ATR: variants seen among roughly 807,000 people sequenced by gnomAD.
ATR encodes serine/threonine-protein kinase ATR.
A neutral mutation model predicts 305.3 loss-of-function variants in ATR; 142 were observed. The ratio of observed to expected loss-of-function variants is 0.47; its 90% CI spans 0.41 to 0.53. The LOEUF (loss-of-function observed/expected upper bound fraction) is 0.53. Ranked by LOEUF, ATR falls within the 20% of genes least tolerant of loss-of-function variation. The probability of loss-of-function intolerance (pLI) is 0.00; values close to 1 mark genes in which losing one functional copy is unlikely to be tolerated. For synonymous variants in ATR, 1,050 were observed against 1,068.1 expected, an observed-to-expected ratio of 0.98 and a Z score of 0.33; for missense variants, 2,135 against 3,133.1, an observed-to-expected ratio of 0.68 and a Z score of 7.60.
intron 45 of ATR, among the ~76,000 whole-genome samples, chr3:142,456,013 T>A (rs549298138): frequency 6.6e-6 from 1 of 152,318 alleles, no homozygotes; most frequent in East Asian, 1.9e-4. Context: ...ATCCAAAATG[T>A]GTAAAGAACT....
intron 36 of ATR, among the ~76,000 whole-genome samples, chr3:142,483,978 T>C (rs2030730209): frequency 6.6e-6 from 1 of 152,086 alleles, no homozygotes; most frequent in African/African-American, 2.4e-5. Flanking sequence ...ATACTTAATT[T>C]GGTGCTGTTG....
intron 13 of ATR, among the ~76,000 whole-genome samples, chr3:142,552,180 A>T (rs541426463): frequency 6.6e-6 from 1 of 152,364 alleles, no homozygotes; most frequent in Non-Finnish European, 1.5e-5. Flanking sequence ...ATGCTTTTAT[A>T]CCGTTGGTGG....
At chr3:142,571,433 T>C (rs1300822620) in intron 1 of ATR, among the ~76,000 whole-genome samples, 2 of 151,500 alleles carry the variant, frequency 1.3e-5, no homozygotes, top group Non-Finnish European at 2.9e-5. Context: ...GCCACTGTAC[T>C]CCAGCCTGGG....
In ATR at chr3:142,538,536, T is replaced by C. The variant is rs2108432440; in HGVS notation, c.3671A>G (p.His1224Arg). Reference sequence around the variant, plus strand: ...AGCTGCAGTTTCTTTAGGCTGGATGTGTATAAGAGGTAACAAAGCTACTAT... The same window carrying C: ...AGCTGCAGTTTCTTTAGGCTGGATGCGTATAAGAGGTAACAAAGCTACTAT... ...HVIVALLPLI[H>R]IQPKETAAIF... Residue 1224 changes from histidine to arginine, a missense_variant, in exon 19 of 47, where the codon CAC becomes CGC. His to Arg is a conservative substitution (Grantham distance 29). Transcript: ENST00000350721. 1 of 1,613,490 alleles carries C rather than the reference T, an allele frequency of 6.2e-7. No homozygotes were observed. The highest frequency in any genetic ancestry group is 1.1e-5 in the South Asian group (1 of 91,046).
At chr3:142,452,279 T>C (rs1406245146) in intron 46 of ATR, 2 of 992,706 alleles carry the variant, frequency 2.0e-6, no homozygotes, top group Non-Finnish European at 2.4e-6. Context: ...ATATAGTTGG[T>C]ATAATTCATT....
At chr3:142,528,571 G>A (rs942022462) in intron 21 of ATR, among the ~76,000 whole-genome samples, 3 of 151,284 alleles carry the variant, frequency 2.0e-5, no homozygotes, top group Admixed American at 1.3e-4. Flanking sequence ...TTTATTTTTG[G>A]CCTTTCTGAA....
At chr3:142,496,005 T>C (rs1390098883) in intron 34 of ATR, among the ~76,000 whole-genome samples, 2 of 151,606 alleles carry the variant, frequency 1.3e-5, no homozygotes, top group Non-Finnish European at 2.9e-5. Context: ...CAACATTTAC[T>C]GGGTCACTAC....
chr3:142,564,810 G>A (rs541975228), intron 3 of ATR, among the ~76,000 whole-genome samples: 1 of 151,460 alleles, frequency 6.6e-6, no homozygotes, highest in African/African-American at 2.4e-5. Context: ...GGAGTGCAAC[G>A]GCATGGTCTT....
At chr3:142,573,453 C>CAAA (rs1218216880) in intron 1 of ATR, among the ~76,000 whole-genome samples, 8 of 45,966 alleles carry the variant, frequency 1.7e-4, no homozygotes, top group South Asian at 8.3e-4. Flanking sequence ...GACTTCATCT[C>CAAA]AAAAAAAAAA....
chr3:142,508,028 G>T lies in ATR; in HGVS notation c.4934C>A (p.Ser1645Tyr). Residue 1645 changes from serine (S) to tyrosine (Y), a missense_variant, in exon 28 of 47, where the codon TCC becomes TAC. By Grantham distance (144) the Ser-to-Tyr change is moderately radical. Transcript: ENST00000350721. ...TCGTGTGTATGCTTTGGAGCGAAAGGAAGCTACTGCCAGAGTATCCTGGGG... is the reference window on the plus strand; with the variant it reads ...TCGTGTGTATGCTTTGGAGCGAAAGTAAGCTACTGCCAGAGTATCCTGGGG... ...LIPQDTLAVA[S>Y]FRSKAYTRAV... 1.2e-6 allele frequency: 2 copies of T among 1,613,338 alleles called. No individual in the cohort carries two copies. Among genetic ancestry groups the T allele is most frequent in the Non-Finnish European group, 1.7e-6 (2 of 1,179,732 alleles).
At chr3:142,553,544 A>G in intron 12 of ATR, 96 bp downstream of exon 12, 1 of 1,448,250 alleles carries the variant, frequency 6.9e-7, no homozygotes. Flanking sequence ...TGTCTATAAT[A>G]TCACAAATAT....
chr3:142,565,458 T>TC (rs948671543), intron 3 of ATR, among the ~76,000 whole-genome samples: 12 of 152,028 alleles, frequency 7.9e-5, no homozygotes, highest in Admixed American at 7.2e-4. Flanking sequence ...GAGAAAAGCT[T>TC]CAATATATAG....
In ATR at chr3:142,562,738, A is replaced by G. The variant is rs779874468; in HGVS notation, c.664T>C (p.Phe222Leu). Residue 222 changes from phenylalanine (F) to leucine (L), a missense_variant, in exon 4 of 47, where the codon TTT becomes CTT. Phe to Leu is a conservative substitution (Grantham distance 22). Around this residue, in one of 9 missense-constraint regions of ATR, gnomAD observed 744 missense variants for 873.2 expected, o/e 0.85. Coordinates refer to ENST00000350721, the MANE Select transcript of ATR (RefSeq NM_001184.4). ...VLTRIIAIVF[F>L]RRQELLLWQI... Reference sequence around the variant, plus strand: ...CAAAGTAAGAGTTCTTGCCTTCTAAAAAACACAATTGCAATAATACGAGTA... The same window carrying G: ...CAAAGTAAGAGTTCTTGCCTTCTAAGAAACACAATTGCAATAATACGAGTA... The G allele has an allele frequency of 1.2e-6, 2 of 1,613,744 alleles. No individual in the cohort carries two copies. The highest frequency in any genetic ancestry group is 1.7e-5 in the Admixed American group (1 of 59,946).
intron 39 of ATR, among the ~76,000 whole-genome samples, chr3:142,467,520 C>T (rs2071158463): frequency 6.6e-6 from 1 of 152,094 alleles, no homozygotes; most frequent in Non-Finnish European, 1.5e-5. Flanking sequence ...AACCCTCTTC[C>T]CTATCGTAAG....
intron 37 of ATR, 139 bp downstream of exon 37, chr3:142,469,947 A>T: frequency 1.5e-6 from 1 of 677,848 alleles, no homozygotes; most frequent in Non-Finnish European, 2.5e-6. Context: ...AACATTTAGT[A>T]TCTTACTCAC....
intron 36 of ATR, among the ~76,000 whole-genome samples, chr3:142,480,802 C>A (rs1041380969): frequency 6.6e-6 from 1 of 152,226 alleles, no homozygotes; most frequent in Non-Finnish European, 1.5e-5. Context: ...ACTCCTCCCC[C>A]AGCCTTGCTG....
chr3:142,575,900 C>G (rs545307009), intron 1 of ATR, among the ~76,000 whole-genome samples: 1 of 152,258 alleles, frequency 6.6e-6, no homozygotes, highest in South Asian at 2.1e-4. Context: ...ACCTTAGAGG[C>G]CTTGGTAAGG....
At chr3:142,549,782 C>T in intron 14 of ATR, 109 bp from the exon 15 acceptor site, 1 of 950,862 alleles carries the variant, frequency 1.1e-6, no homozygotes, top group South Asian at 1.5e-5. Context: ...ATTTGGAGTC[C>T]ACTCCATACT....
chr3:142,519,074 G>A (rs1047692737), intron 24 of ATR, among the ~76,000 whole-genome samples: 1 of 151,858 alleles, frequency 6.6e-6, no homozygotes, highest in African/African-American at 2.4e-5. Context: ...CTCACATTCA[G>A]CTTAAAGTAT....
Sources: gnomAD v4.1 joint callset for allele counts (sites outside exome capture counted in the v4.1 genomes callset) on GRCh38, gnomAD v4.1.1 for gene constraint, gnomAD v4.1.1 regional missense constraint, MANE v1.5 for transcripts, NCBI Gene and HGNC (gene_info 2026-07-23, HGNC 2026-07-21) for gene names.